The following CBLB variants were observed in gnomAD, a reference collection of about 807,000 sequenced individuals.
CBLB encodes the protein Cbl proto-oncogene B.
A neutral mutation model predicts 104.9 loss-of-function variants in CBLB; 31 were observed. The observed-to-expected ratio is 0.30, with a 90% CI of 0.22 to 0.40. The LOEUF (loss-of-function observed/expected upper bound fraction) is 0.40, where lower values mean the gene tolerates loss of function less well. Ranked by LOEUF, CBLB falls within the 10% of genes least tolerant of loss-of-function variation. CBLB has a pLI of 1.00. For missense variants in CBLB, 1,062 were observed against 1,214.6 expected (o/e 0.87, Z 1.87); for synonymous variants, 440 against 422.6 (o/e 1.04, Z -0.51).
intron 4 of CBLB, among the ~76,000 whole-genome samples, chr3:105,775,665 A>G (rs938981062): frequency 3.3e-5 from 5 of 152,176 alleles, no homozygotes; most frequent in Admixed American, 6.5e-5. Flanking sequence ...ATTCTTGATC[A>G]TTTTACTGAG....
chr3:105,825,202 A>T (rs1409672738), intron 3 of CBLB, among the ~76,000 whole-genome samples: 4 of 152,184 alleles, frequency 2.6e-5, no homozygotes, highest in Non-Finnish European at 4.4e-5. Flanking sequence ...TAGTGGGATG[A>T]AAAAAAGAAA....
At chr3:105,859,679 A>G (rs1305674036) in intron 2 of CBLB, among the ~76,000 whole-genome samples, 2 of 151,068 alleles carry the variant, frequency 1.3e-5, no homozygotes, top group African/African-American at 2.4e-5. Flanking sequence ...AAAAAAAAAA[A>G]AAAGAAAGCC....
chr3:105,800,739 G>A (rs922897080), intron 3 of CBLB, among the ~76,000 whole-genome samples: 5 of 151,986 alleles, frequency 3.3e-5, no homozygotes, highest in African/African-American at 1.2e-4. Flanking sequence ...TGATAATTAA[G>A]GAATAATGTC....
intron 12 of CBLB, among the ~76,000 whole-genome samples, chr3:105,696,778 C>T (rs73195940): frequency 3.7e-4 from 57 of 152,002 alleles, no homozygotes; most frequent in Non-Finnish European, 7.5e-4. Context: ...ATGTAGAATT[C>T]AAGACACTTC....
intron 3 of CBLB, among the ~76,000 whole-genome samples, chr3:105,779,607 C>T (rs1035970735): frequency 6.6e-6 from 1 of 150,398 alleles, no homozygotes; most frequent in African/African-American, 2.4e-5. Context: ...CATTATTTAA[C>T]ATATTTATAG....
At position 105,737,232 on chromosome 3, in the gene CBLB, T is replaced by C. The variant is rs1466884562; in HGVS notation, c.1010A>G (p.Tyr337Cys). ...GFYLYPDGRSYNPDLTGLCEP... is the reference protein window; with the variant it reads ...GFYLYPDGRSCNPDLTGLCEP... ...ACATAATCCAGTTAAATCAGGATTA[T>C]AACTCCTCCCATCAGGATAAAGATA... The change falls in exon 8 of 19, where the codon TAT (tyrosine) becomes TGT (cysteine). Residue 337 changes from tyrosine to cysteine, a missense_variant. Tyr to Cys is a radical substitution (Grantham distance 194). Around this residue, in one of 2 missense-constraint regions of CBLB, gnomAD observed 457 missense variants for 632.0 expected, o/e 0.72. Coordinates refer to ENST00000394030, the MANE Select transcript of CBLB (RefSeq NM_170662.5). 1.9e-6 allele frequency: 3 copies of C among 1,583,082 alleles called. No homozygotes were observed. The African/African-American group carries it at 4.0e-5, about 21-fold the overall frequency.
At chr3:105,792,075 A>C (rs1294171075) in intron 3 of CBLB, among the ~76,000 whole-genome samples, 1 of 152,142 alleles carries the variant, frequency 6.6e-6, no homozygotes, top group African/African-American at 2.4e-5. Flanking sequence ...ATTACCTCAG[A>C]GCTTGTTAAA....
At chr3:105,794,149 G>C (rs1291965840) in intron 3 of CBLB, among the ~76,000 whole-genome samples, 4 of 152,046 alleles carry the variant, frequency 2.6e-5, no homozygotes, top group African/African-American at 4.8e-5. Flanking sequence ...AAAATTCCCG[G>C]TCATCAAATT....
intron 9 of CBLB, 60 bp from the exon 10 acceptor site, chr3:105,720,310 C>T (rs1263516881): frequency 1.2e-5 from 18 of 1,445,310 alleles, no homozygotes; most frequent in Non-Finnish European, 1.6e-5. Flanking sequence ...CCGAGAAATG[C>T]TAATAATGTT....
intron 9 of CBLB, among the ~76,000 whole-genome samples, chr3:105,725,960 C>T (rs569178719): frequency 3.5e-4 from 54 of 152,172 alleles, no homozygotes; most frequent in Admixed American, 1.3e-3. Flanking sequence ...GGCCATTCAC[C>T]TGTGCCTCAG....
chr3:105,810,715 T>C (rs2084174911), intron 3 of CBLB, among the ~76,000 whole-genome samples: 1 of 152,144 alleles, frequency 6.6e-6, no homozygotes, highest in Non-Finnish European at 1.5e-5. Flanking sequence ...AAATATTACA[T>C]ATAATTATTT....
intron 10 of CBLB, among the ~76,000 whole-genome samples, chr3:105,714,146 C>A (rs762003227): frequency 6.6e-6 from 1 of 152,130 alleles, no homozygotes; most frequent in Non-Finnish European, 1.5e-5. Context: ...AAGGCAACAT[C>A]CTCCTAAAAA....
intron 17 of CBLB, among the ~76,000 whole-genome samples, chr3:105,675,643 G>C (rs1315837623): frequency 1.3e-5 from 2 of 152,080 alleles, no homozygotes; most frequent in Non-Finnish European, 2.9e-5. Flanking sequence ...TAGCATTTTG[G>C]GAGGTTGAAG....
intron 3 of CBLB, among the ~76,000 whole-genome samples, chr3:105,821,558 A>G (rs929367810): frequency 6.6e-6 from 1 of 152,212 alleles, no homozygotes; most frequent in Non-Finnish European, 1.5e-5. Context: ...GGGCAGGTAG[A>G]AAAAGAACCT....
chr3:105,846,259 TAAAC>T (rs2090239005), intron 3 of CBLB, among the ~76,000 whole-genome samples: 1 of 151,818 alleles, frequency 6.6e-6, no homozygotes, highest in Admixed American at 6.6e-5. Context: ...TCACCATTAG[TAAAC>T]AAAAAAAGGA....
At chr3:105,768,934 G>C (rs1302633708) in intron 4 of CBLB, among the ~76,000 whole-genome samples, 1 of 152,210 alleles carries the variant, frequency 6.6e-6, no homozygotes, top group Non-Finnish European at 1.5e-5. Context: ...TTTAAAAAGA[G>C]ATCAATTTAT....
At chr3:105,851,034 A>C (rs1368889329) in intron 3 of CBLB, among the ~76,000 whole-genome samples, 1 of 152,230 alleles carries the variant, frequency 6.6e-6, no homozygotes, top group Non-Finnish European at 1.5e-5. Flanking sequence ...TAGGTATTTT[A>C]CCCAAATGAG....
intron 3 of CBLB, among the ~76,000 whole-genome samples, chr3:105,784,176 C>T (rs1341000623): frequency 6.6e-6 from 1 of 152,180 alleles, no homozygotes; most frequent in East Asian, 1.9e-4. Flanking sequence ...TTTGATGAAA[C>T]CTAATATGTA....
intron 3 of CBLB, among the ~76,000 whole-genome samples, chr3:105,795,199 A>T (rs1299477690): frequency 6.6e-6 from 1 of 152,212 alleles, no homozygotes; most frequent in African/African-American, 2.4e-5. Context: ...GGCGTGAGCC[A>T]ATGGCAACAT....
Sources: gnomAD v4.1 joint callset for allele counts (sites outside exome capture counted in the v4.1 genomes callset) on GRCh38, gnomAD v4.1.1 for gene constraint, gnomAD v4.1.1 regional missense constraint, MANE v1.5 for transcripts, NCBI Gene and HGNC (gene_info 2026-07-23, HGNC 2026-07-21) for gene names.